The following LSM12 variants were observed in gnomAD, a reference collection of about 807,000 sequenced individuals.
LSM12 encodes the protein protein LSM12.
For synonymous variants in LSM12, 74 were observed against 87.3 expected (o/e 0.85, Z 0.85); for missense variants, 108 against 238.9 (o/e 0.45, Z 3.61).
At chr17:44,046,709 CAA>C (rs542504532) in intron 2 of LSM12, among the ~76,000 whole-genome samples, 5 of 42,676 alleles carry the variant, frequency 1.2e-4, no homozygotes, top group Non-Finnish European at 1.8e-4. Context: ...GACTCCGTCT[CAA>C]AAAAAAAAAA....
chr17:44,050,475 C>T (rs970798599), intron 2 of LSM12, among the ~76,000 whole-genome samples: 9 of 151,556 alleles, frequency 5.9e-5, no homozygotes, highest in African/African-American at 2.2e-4. Context: ...TATCAGCATC[C>T]CCAGGGCAAC....
rs2049881184 is a variant in LSM12 at position 44,066,569 on chromosome 17, C to G, written c.19G>C (p.Glu7Gln). MAAPPG[E>Q]YFSVGSQVSC... ...ACCTGGCTCCCAACGCTGAAGTACTCGCCCGGAGGAGCCGCCATCTTGGGA... is the reference window on the plus strand; with the variant it reads ...ACCTGGCTCCCAACGCTGAAGTACTGGCCCGGAGGAGCCGCCATCTTGGGA... The change falls in exon 1 of 5, where the codon GAG becomes CAG. Residue 7 changes from glutamate to glutamine, a missense_variant. Physicochemically the swap from Glu to Gln is conservative, Grantham distance 29 (BLOSUM62 2). Coordinates refer to ENST00000293406, the MANE Select transcript of LSM12 (RefSeq NM_001371445.1). The G allele has an allele frequency of 1.4e-6, 2 of 1,469,088 alleles. No homozygotes were observed. The highest frequency in any genetic ancestry group is 1.8e-6 in the Non-Finnish European group (2 of 1,106,428). 91.0% of individuals were successfully genotyped at this position (1,469,088 alleles called of 1,614,324 possible).
chr17:44,052,071 G>A (rs1475013904), intron 2 of LSM12, among the ~76,000 whole-genome samples: 1 of 151,984 alleles, frequency 6.6e-6, no homozygotes, highest in Admixed American at 6.6e-5. Context: ...TCATGCTACT[G>A]CACTCCAGCC....
At chr17:44,063,120 C>T (rs2049821803) in intron 2 of LSM12, among the ~76,000 whole-genome samples, 1 of 151,868 alleles carries the variant, frequency 6.6e-6, no homozygotes, top group South Asian at 2.1e-4. Context: ...CTTGGGCAGG[C>T]ATGGTGACGC....
At chr17:44,065,404 G>A (rs945798163) in intron 1 of LSM12, among the ~76,000 whole-genome samples, 3 of 143,576 alleles carry the variant, frequency 2.1e-5, no homozygotes, top group African/African-American at 7.9e-5. Context: ...TTGCGCCACC[G>A]CACTCCATCC....
At chr17:44,041,941 C>G (rs1340210436) in intron 2 of LSM12, among the ~76,000 whole-genome samples, 3 of 152,208 alleles carry the variant, frequency 2.0e-5, no homozygotes, top group Non-Finnish European at 2.9e-5. Context: ...AGCACATGTG[C>G]AAACACGCGC....
At chr17:44,052,510 G>C (rs1211945546) in intron 2 of LSM12, among the ~76,000 whole-genome samples, 1 of 152,016 alleles carries the variant, frequency 6.6e-6, no homozygotes, top group Non-Finnish European at 1.5e-5. Flanking sequence ...TGTAATCCCA[G>C]AACTTTGGAA....
intron 3 of LSM12, among the ~76,000 whole-genome samples, chr17:44,038,758 T>A (rs551894508): frequency 6.6e-6 from 1 of 152,358 alleles, no homozygotes; most frequent in South Asian, 2.1e-4. Context: ...TTCTCAATTA[T>A]CAGACAGTTG....
intron 2 of LSM12, among the ~76,000 whole-genome samples, chr17:44,045,208 A>C (rs2049546060): frequency 1.3e-5 from 2 of 151,842 alleles, no homozygotes; most frequent in South Asian, 4.2e-4. Flanking sequence ...TTGTATTTTT[A>C]GTAGAGACAG....
intron 2 of LSM12, among the ~76,000 whole-genome samples, chr17:44,055,798 T>C (rs2049706123): frequency 6.7e-6 from 1 of 149,756 alleles, no homozygotes; most frequent in African/African-American, 2.4e-5. Flanking sequence ...TAATAGGCTA[T>C]GTCCACAAAC....
intron 2 of LSM12, among the ~76,000 whole-genome samples, chr17:44,043,080 CTTAGGT>C (rs1268031670): frequency 1.3e-5 from 2 of 152,118 alleles, no homozygotes; most frequent in Non-Finnish European, 2.9e-5. Context: ...TTTCTCAAGG[CTTAGGT>C]TTGACTATGA....
chr17:44,055,819 A>G (rs2049706544), intron 2 of LSM12, among the ~76,000 whole-genome samples: 1 of 150,434 alleles, frequency 6.6e-6, no homozygotes, highest in Admixed American at 6.7e-5. Flanking sequence ...ATAGGCCACA[A>G]TGCAATAATT....
At chr17:44,066,859 TG>T (rs2049887732), upstream of LSM12, 1 of 271,298 alleles carries the variant, frequency 3.7e-6, no homozygotes, top group Non-Finnish European at 6.8e-6. Flanking sequence ...CTACGTGGAA[TG>T]AAAAGGGGAA....
chr17:44,065,488 A>C (rs1378935853), intron 1 of LSM12, among the ~76,000 whole-genome samples: 3 of 151,986 alleles, frequency 2.0e-5, no homozygotes, highest in Non-Finnish European at 2.9e-5. Context: ...TCCTCCAAAA[A>C]AAAATTCCAA....
chr17:44,045,106 C>G (rs1210525491), intron 2 of LSM12, among the ~76,000 whole-genome samples: 1 of 152,182 alleles, frequency 6.6e-6, no homozygotes, highest in Non-Finnish European at 1.5e-5. Flanking sequence ...CAGCTCACTG[C>G]AACCTCCGCC....
chr17:44,048,839 C>A (rs1432608841), intron 2 of LSM12, among the ~76,000 whole-genome samples: 1 of 152,072 alleles, frequency 6.6e-6, no homozygotes, highest in Non-Finnish European at 1.5e-5. Context: ...TATATAGCAC[C>A]TTGATGTGGG....
At position 44,045,448 on chromosome 17, in the gene LSM12, T is replaced by C. The variant is rs559081413; in HGVS notation, c.259-5192A>G. Among the ~76,000 whole-genome samples the C allele has an allele frequency of 2.0e-5, 3 of 152,336 alleles. No individual in the cohort carries two copies. The South Asian group carries it at 6.2e-4, about 32-fold the overall frequency. Reference sequence around the variant, plus strand: ...CATTTCTGAGGTTCATCCATTTTGTTTCATGTACCAATAGTTTTTTAAATT... The same window carrying C: ...CATTTCTGAGGTTCATCCATTTTGTCTCATGTACCAATAGTTTTTTAAATT... On this transcript the variant is annotated intron_variant, in intron 2 of 4. Coordinates refer to ENST00000293406, the MANE Select transcript of LSM12 (RefSeq NM_001371445.1).
intron 2 of LSM12, among the ~76,000 whole-genome samples, chr17:44,056,898 G>A (rs1261458666): frequency 1.3e-5 from 2 of 152,082 alleles, no homozygotes; most frequent in African/African-American, 2.4e-5. Flanking sequence ...GGCTGAGGCA[G>A]GAGAATCACT....
upstream of LSM12, chr17:44,066,727 C>T (rs974987004): frequency 2.7e-6 from 3 of 1,116,508 alleles, no homozygotes; most frequent in Non-Finnish European, 3.4e-6. Context: ...CTGGTTGGGG[C>T]GGGATCCTAG....
Sources: allele counts gnomAD v4.1 joint callset (sites outside exome capture counted in the v4.1 genomes callset), GRCh38; gene constraint gnomAD v4.1.1; transcripts MANE v1.5; gene names NCBI Gene and HGNC (gene_info 2026-07-23, HGNC 2026-07-21).